Variants in PCDH9 observed in about 807,000 individuals in gnomAD.
PCDH9 encodes the protein protocadherin 9, also known as protocadherin-9.
In PCDH9, 24 loss-of-function variants were observed where a neutral mutation model predicts 70.6. The observed-to-expected ratio is 0.34, with a 90% CI of 0.25 to 0.48. The LOEUF is 0.48. Among genes scored for constraint, PCDH9 ranks in the 20% least tolerant of loss-of-function variants. The pLI is 0.99. For missense variants in PCDH9, 1,281 were observed against 1,503.6 expected (o/e 0.85, Z 2.45); for synonymous variants, 562 against 558.5 (o/e 1.01, Z -0.09).
intron 2 of PCDH9, among the ~76,000 whole-genome samples, chr13:67,152,932 A>G (rs1201978150): frequency 2.0e-5 from 3 of 152,150 alleles, no homozygotes; most frequent in African/African-American, 7.2e-5. Context: ...TAAAACGCAT[A>G]GAGGGTAATG....
chr13:66,878,751 A>T (rs1446884281), intron 3 of PCDH9, among the ~76,000 whole-genome samples: 3 of 152,186 alleles, frequency 2.0e-5, no homozygotes, highest in Non-Finnish European at 2.9e-5. Context: ...AAACAAAGGT[A>T]TCTGCAAAGG....
chr13:66,960,304 T>C lies in PCDH9; in HGVS notation c.3037-56699A>G, dbSNP rs1013285091. Reference sequence around the variant, plus strand: ...GGCTTTAATTTTTTAAAGTGACATATAATTAAATATTTCTAAGCAATGCCA... The same window carrying C: ...GGCTTTAATTTTTTAAAGTGACATACAATTAAATATTTCTAAGCAATGCCA... On this transcript the variant is annotated intron_variant, in intron 2 of 4. Transcript: ENST00000377865. Among the ~76,000 whole-genome samples, 5 of 152,186 alleles carry C rather than the reference T, an allele frequency of 3.3e-5. No homozygotes were observed. The East Asian group carries it at 5.8e-4, about 18-fold the overall frequency.
chr13:67,110,593 T>G (rs547634086), intron 2 of PCDH9, among the ~76,000 whole-genome samples: 1 of 151,914 alleles, frequency 6.6e-6, no homozygotes, highest in East Asian at 1.9e-4. Context: ...TTATTGTGAT[T>G]CTTAATGGTG....
At chr13:66,708,449 G>T (rs2078747194) in intron 3 of PCDH9, among the ~76,000 whole-genome samples, 1 of 145,980 alleles carries the variant, frequency 6.9e-6, no homozygotes. Flanking sequence ...GAAATGGCTA[G>T]GTAACAACTG....
At chr13:66,319,100 G>C (rs1328275100) in intron 4 of PCDH9, among the ~76,000 whole-genome samples, 1 of 152,154 alleles carries the variant, frequency 6.6e-6, no homozygotes, top group Non-Finnish European at 1.5e-5. Flanking sequence ...TCACAATCAT[G>C]GTGGAAGGCA....
chr13:66,435,085 G>A (rs1348383948), intron 4 of PCDH9, among the ~76,000 whole-genome samples: 1 of 152,120 alleles, frequency 6.6e-6, no homozygotes, highest in African/African-American at 2.4e-5. Context: ...GGCTTCATTA[G>A]ATGGCTTAGG....
At position 67,228,202 on chromosome 13, in the gene PCDH9, C is replaced by T; in HGVS notation, c.239G>A (p.Ser80Asn). Residue 80 changes from serine (S) to asparagine (N), a missense_variant, in exon 2 of 5, where the codon AGC becomes AAC. Around this residue, in one of 4 missense-constraint regions of PCDH9, gnomAD observed 798 missense variants for 1,003.1 expected, o/e 0.80. Transcript: ENST00000377865. Reference protein sequence around the residue: ...AGDAPLVKVSSSTGEIFTTSN... With the variant: ...AGDAPLVKVSNSTGEIFTTSN... ...GGTTGTGAAAATTTCCCCAGTGCTGCTGGAAACTTTCACCAAAGGGGCATC... is the reference window on the plus strand; with the variant it reads ...GGTTGTGAAAATTTCCCCAGTGCTGTTGGAAACTTTCACCAAAGGGGCATC... The T allele has an allele frequency of 6.2e-7, 1 of 1,613,068 alleles. No individual in the cohort carries two copies. The highest frequency in any genetic ancestry group is 8.5e-7 in the Non-Finnish European group (1 of 1,179,546).
At chr13:66,812,313 G>T (rs938385345) in intron 3 of PCDH9, among the ~76,000 whole-genome samples, 1 of 151,988 alleles carries the variant, frequency 6.6e-6, no homozygotes, top group African/African-American at 2.4e-5. Flanking sequence ...TATGAGAAAT[G>T]GATAGTACTA....
intron 3 of PCDH9, among the ~76,000 whole-genome samples, chr13:66,776,310 A>G (rs565134474): frequency 5.3e-5 from 8 of 150,882 alleles, no homozygotes; most frequent in Non-Finnish European, 7.4e-5. Flanking sequence ...AATAAAGGGT[A>G]TTCAATTAGG....
At chr13:66,790,607 G>T (rs2080149198) in intron 3 of PCDH9, among the ~76,000 whole-genome samples, 1 of 151,920 alleles carries the variant, frequency 6.6e-6, no homozygotes, top group Non-Finnish European at 1.5e-5. Context: ...TGAGGCAGGG[G>T]CCTGTTTAAT....
intron 3 of PCDH9, among the ~76,000 whole-genome samples, chr13:66,865,033 G>C (rs1204316297): frequency 6.6e-6 from 1 of 152,170 alleles, no homozygotes; most frequent in Non-Finnish European, 1.5e-5. Context: ...ATTAAGTTTT[G>C]CAAATATATT....
chr13:66,419,799 C>T (rs1239762049), intron 4 of PCDH9, among the ~76,000 whole-genome samples: 2 of 148,968 alleles, frequency 1.3e-5, no homozygotes, highest in Non-Finnish European at 1.5e-5. Context: ...GGCACTGTAA[C>T]ACCAGCGAAA....
At chr13:66,944,919 C>T (rs1378524462) in intron 2 of PCDH9, among the ~76,000 whole-genome samples, 1 of 149,624 alleles carries the variant, frequency 6.7e-6, no homozygotes, top group Non-Finnish European at 1.5e-5. Flanking sequence ...TTAAGATAAG[C>T]AACCTAAATT....
intron 3 of PCDH9, among the ~76,000 whole-genome samples, chr13:66,668,632 AT>A (rs1372168466): frequency 6.6e-6 from 1 of 152,170 alleles, no homozygotes; most frequent in Non-Finnish European, 1.5e-5. Context: ...TGAAATATAG[AT>A]GGTAATATGC....
chr13:66,539,195 TACC>T (rs1960839537), intron 4 of PCDH9, among the ~76,000 whole-genome samples: 1 of 152,132 alleles, frequency 6.6e-6, no homozygotes, highest in Admixed American at 6.6e-5. Flanking sequence ...TTACATCCAC[TACC>T]TTCACCTCTT....
intron 4 of PCDH9, among the ~76,000 whole-genome samples, chr13:66,565,305 T>A (rs2076637598): frequency 6.6e-6 from 1 of 152,200 alleles, no homozygotes; most frequent in Admixed American, 6.6e-5. Flanking sequence ...TGATAACAAC[T>A]TAAGTGCAGA....
chr13:66,912,843 T>A (rs1258558087), intron 2 of PCDH9, among the ~76,000 whole-genome samples: 1 of 152,086 alleles, frequency 6.6e-6, no homozygotes, highest in Non-Finnish European at 1.5e-5. Context: ...CTAAGAATTA[T>A]AATTACATTT....
intron 3 of PCDH9, among the ~76,000 whole-genome samples, chr13:66,841,039 T>A (rs2081108517): frequency 6.6e-6 from 1 of 152,192 alleles, no homozygotes; most frequent in Non-Finnish European, 1.5e-5. Flanking sequence ...TGTTGCCTCA[T>A]GAGCAGCTTA....
chr13:66,917,330 A>T (rs936717371), intron 2 of PCDH9, among the ~76,000 whole-genome samples: 1 of 151,554 alleles, frequency 6.6e-6, no homozygotes, highest in African/African-American at 2.4e-5. Context: ...CAAGATATTA[A>T]GGACTAAAAT....
Sources: allele counts gnomAD v4.1 joint callset (sites outside exome capture counted in the v4.1 genomes callset), GRCh38; gene constraint gnomAD v4.1.1; regional missense constraint gnomAD v4.1.1; transcripts MANE v1.5; gene names NCBI Gene and HGNC (gene_info 2026-07-23, HGNC 2026-07-21).